Variants in RSPH1 observed in about 807,000 individuals in gnomAD.
RSPH1 encodes the protein radial spoke head component 1.
Under a neutral mutation model 44.2 loss-of-function variants are expected in RSPH1, and 32 were observed. That is an observed-to-expected ratio of 0.72 (90% CI 0.55 to 0.97). The LOEUF (loss-of-function observed/expected upper bound fraction) is 0.97. Ranked by LOEUF, RSPH1 falls within the 50% of genes least tolerant of loss-of-function variation. The pLI, the probability that RSPH1 is intolerant of heterozygous loss-of-function variation, is 0.00. For missense variants in RSPH1, 391 were observed against 398.7 expected (o/e 0.98, Z 0.16); for synonymous variants, 134 against 147.3 (o/e 0.91, Z 0.65).
intron 6 of RSPH1, among the ~76,000 whole-genome samples, chr21:42,481,773 T>C (rs1462962465): frequency 6.6e-6 from 1 of 152,146 alleles, no homozygotes; most frequent in Non-Finnish European, 1.5e-5. Flanking sequence ...ATGAGAGGAA[T>C]AGGAACACAT....
chr21:42,481,443 C>A (rs866883970), intron 6 of RSPH1, among the ~76,000 whole-genome samples: 2 of 152,140 alleles, frequency 1.3e-5, no homozygotes. Flanking sequence ...AAAGGACTAA[C>A]CCAGGTTGAA....
intron 5 of RSPH1, chr21:42,485,423 G>T (rs372735518): frequency 3.7e-6 from 2 of 534,510 alleles, no homozygotes; most frequent in African/African-American, 1.9e-5. Context: ...ACAGGTCCCC[G>T]CTGAAAGACA....
At chr21:42,482,571 G>T in intron 6 of RSPH1, 66 bp downstream of exon 6, 1 of 1,178,120 alleles carries the variant, frequency 8.5e-7, no homozygotes, top group Non-Finnish European at 1.2e-6. Context: ...AACCTTGCAG[G>T]ATCAATATTT....
At chr21:42,484,381 C>T (rs1462920505) in intron 5 of RSPH1, among the ~76,000 whole-genome samples, 2 of 152,188 alleles carry the variant, frequency 1.3e-5, no homozygotes, top group East Asian at 3.8e-4. Context: ...ATTATCTAAC[C>T]TACACAATAG....
chr21:42,476,942 C>T (rs1050500008), intron 7 of RSPH1, among the ~76,000 whole-genome samples: 1 of 152,106 alleles, frequency 6.6e-6, no homozygotes, highest in African/African-American at 2.4e-5. Context: ...TCCCACAGCC[C>T]AAAGGCGCCC....
At chr21:42,487,271 C>T (rs1361487498) in intron 3 of RSPH1, among the ~76,000 whole-genome samples, 1 of 152,208 alleles carries the variant, frequency 6.6e-6, no homozygotes, top group Admixed American at 6.5e-5. Flanking sequence ...TCAAAACGTC[C>T]TCAAATCTTA....
intron 4 of RSPH1, chr21:42,486,093 C>T (rs1196276184): frequency 1.0e-5 from 6 of 572,780 alleles, no homozygotes; most frequent in Non-Finnish European, 1.6e-5. Flanking sequence ...TGGCTCAGGT[C>T]CCCCAGTGGC....
chr21:42,473,315 A>AC (rs2054012466), intron 8 of RSPH1, among the ~76,000 whole-genome samples: 1 of 152,110 alleles, frequency 6.6e-6, no homozygotes, highest in Non-Finnish European at 1.5e-5. Flanking sequence ...ACATGGTGAA[A>AC]CCCCGTCTCA....
chr21:42,481,873 T>C (rs1029258753), intron 6 of RSPH1, among the ~76,000 whole-genome samples: 2 of 152,108 alleles, frequency 1.3e-5, no homozygotes, highest in Non-Finnish European at 2.9e-5. Flanking sequence ...GGAATGTCAA[T>C]GTAGTGTTAA....
At chr21:42,479,102 T>G (rs909112635) in intron 6 of RSPH1, among the ~76,000 whole-genome samples, 2 of 152,154 alleles carry the variant, frequency 1.3e-5, no homozygotes, top group African/African-American at 2.4e-5. Flanking sequence ...TGCTTTAAAA[T>G]GGCAAATTTC....
chr21:42,493,127 T>G, intron 1 of RSPH1, 48 bp from the exon 2 acceptor site: 135 of 1,406,356 alleles, frequency 9.6e-5, no homozygotes, highest in Non-Finnish European at 1.2e-4. Flanking sequence ...CATTAAGCGC[T>G]AACCAGGTGC....
In RSPH1 at chr21:42,492,607, CTG is replaced by C. The variant is rs2054247040; in HGVS notation, c.274+149_274+150del. The C allele has an allele frequency of 8.3e-6, 5 of 600,752 alleles. No homozygotes were observed. In the East Asian group the frequency reaches 1.1e-4, roughly 13 times the overall value. The allele number at this position is 600,752 out of a possible 1,614,324, so 37.2% of individuals were successfully genotyped here. A position where few individuals can be genotyped will look rare whatever the true frequency, so the allele number is the denominator to read the frequency against. ...AGGCTTTCCTATTTCTGCATCAACA[CTG>C]TGAATATAGTAACACGATCTGTGTT... On this transcript the variant is annotated intron_variant, in intron 3 of 8. Coordinates refer to ENST00000291536, the MANE Select transcript of RSPH1 (RefSeq NM_080860.4).
At chr21:42,479,949 T>A (rs2054109212) in intron 6 of RSPH1, among the ~76,000 whole-genome samples, 1 of 152,190 alleles carries the variant, frequency 6.6e-6, no homozygotes, top group Non-Finnish European at 1.5e-5. Flanking sequence ...CCATTTCATT[T>A]TCTGGTTTTC....
At chr21:42,485,970 G>A (rs1035311010) in intron 4 of RSPH1, 166 bp from the exon 5 acceptor site, 62 of 835,484 alleles carry the variant, frequency 7.4e-5, no homozygotes, top group Admixed American at 2.4e-5. Context: ...TGCTCAGTGT[G>A]CCCCAAGCAC....
Position 42,477,443 on chromosome 21 carries a change from T to C in RSPH1, c.575A>G (p.Glu192Gly). The change falls in exon 7 of 9, where the codon GAA becomes GGA. Residue 192 changes from glutamate (E) to glycine (G), a missense_variant and splice_region_variant. Physicochemically the swap from Glu to Gly is moderately conservative, Grantham distance 98. Transcript: ENST00000291536. ...QHGEYRLTDM[E>G]RGEEEEEEEL... ...TTCCTCCTCTTCCTCTTCTCCTCTTTCCTATTTTAAGTGCAAAAATGTACA... is the reference window on the plus strand; with the variant it reads ...TTCCTCCTCTTCCTCTTCTCCTCTTCCCTATTTTAAGTGCAAAAATGTACA... 1 of 1,613,932 alleles carries C rather than the reference T, an allele frequency of 6.2e-7. No individual in the cohort carries two copies.
chr21:42,475,146 G>A (rs1290651319), intron 8 of RSPH1, among the ~76,000 whole-genome samples: 2 of 152,202 alleles, frequency 1.3e-5, no homozygotes, highest in Non-Finnish European at 2.9e-5. Flanking sequence ...AGGAGCCTGA[G>A]GCTTCAGTCA....
chr21:42,496,164 T>A lies in RSPH1; in HGVS notation c.23A>T (p.Glu8Val). 6.2e-7 allele frequency: 1 copy of A among 1,614,040 alleles called. No individual in the cohort carries two copies. The highest frequency in any genetic ancestry group is 2.2e-5 in the East Asian group (1 of 44,860). ...ATCATTCTCTCCCTCCTCCTCCAACTCCTCCGAGCCCAGGTCCGACATGGT... is the reference window on the plus strand; with the variant it reads ...ATCATTCTCTCCCTCCTCCTCCAACACCTCCGAGCCCAGGTCCGACATGGT... MSDLGSEELEEEGENDIG... is the reference protein window; with the variant it reads MSDLGSEVLEEEGENDIG... The change falls in exon 1 of 9, where the codon GAG (glutamate) becomes GTG (valine). Residue 8 changes from glutamate (E) to valine (V), a missense_variant. Transcript: ENST00000291536.
At chr21:42,489,723 C>G (rs1269790138) in intron 3 of RSPH1, among the ~76,000 whole-genome samples, 1 of 152,182 alleles carries the variant, frequency 6.6e-6, no homozygotes, top group East Asian at 1.9e-4. Context: ...TATGGTTTTA[C>G]AGATGCAGAA....
At position 42,475,886 on chromosome 21, in the gene RSPH1, C is replaced by A. The variant is rs1218408076; in HGVS notation, c.877+12G>T. On this transcript the variant is annotated intron_variant, in intron 8 of 8. Transcript: ENST00000291536. ...CGGGCCCTCGCCCCACTTCCCTGCG[C>A]AGGGACCTCACCCTCATCCATGTCA... 6.2e-7 allele frequency: 1 copy of A among 1,609,282 alleles called. No homozygotes were observed. The highest frequency in any genetic ancestry group is 1.4e-5 in the African/African-American group (1 of 73,470).
Sources: allele counts gnomAD v4.1 joint callset (sites outside exome capture counted in the v4.1 genomes callset), GRCh38; gene constraint gnomAD v4.1.1; transcripts MANE v1.5; gene names NCBI Gene and HGNC (gene_info 2026-07-23, HGNC 2026-07-21).